Variants in JPH1 observed in about 807,000 individuals in gnomAD.
JPH1 encodes junctophilin 1.
JPH1 carries 12 observed loss-of-function variants against 53.6 expected under a neutral mutation model. The observed-to-expected ratio is 0.22, with a 90% CI of 0.14 to 0.36. The LOEUF (loss-of-function observed/expected upper bound fraction) is 0.36. JPH1 is among the 10% of genes least tolerant of loss of function. The pLI, the probability that JPH1 is intolerant of heterozygous loss-of-function variation, is 1.00. For synonymous variants in JPH1, 375 were observed against 363.8 expected (o/e 1.03, Z -0.35); for missense variants, 808 against 905.5 (o/e 0.89, Z 1.38).
rs374074210 is a variant in JPH1, at chr8:74,264,275, C to G, written c.1140-4772G>C. Among the ~76,000 whole-genome samples, 39 of 152,304 alleles carry G rather than the reference C, an allele frequency of 2.6e-4. No individual in the cohort carries two copies. The East Asian group carries it at 3.7e-3, about 14-fold the overall frequency. On this transcript the variant is annotated intron_variant, in intron 2 of 5. Transcript: ENST00000342232. The stretch of plus-strand genomic sequence containing the variant: ...ACTTATGTGAACCCATCTTCACCAT[C>G]TATTCATTACTGAATGTTAATTTTC...
chr8:74,259,510 G>T lies in JPH1; in HGVS notation c.1140-7C>A. 1 of 1,563,262 alleles carries T rather than the reference G, an allele frequency of 6.4e-7. No individual in the cohort carries two copies. Among genetic ancestry groups the T allele is most frequent in the East Asian group, 2.3e-5 (1 of 42,666 alleles). On this transcript the variant is annotated splice_polypyrimidine_tract_variant and splice_region_variant and intron_variant, in intron 2 of 5. Coordinates refer to ENST00000342232, the MANE Select transcript of JPH1 (RefSeq NM_020647.4). The stretch of plus-strand genomic sequence containing the variant: ...CGCTCTGGCATGTGCAGTCCTACAC[G>T]GGGCACAAAAGGACGAGTCAGCATA...
chr8:74,247,053 C>T (rs1805880684), intron 3 of JPH1, among the ~76,000 whole-genome samples: 1 of 152,082 alleles, frequency 6.6e-6, no homozygotes, highest in South Asian at 2.1e-4. Flanking sequence ...AGCATGAGCA[C>T]AAAAAAGTTA....
chr8:74,257,174 G>A (rs1050710359), intron 3 of JPH1, among the ~76,000 whole-genome samples: 1 of 152,150 alleles, frequency 6.6e-6, no homozygotes, highest in African/African-American at 2.4e-5. Context: ...CAGCCTCCCC[G>A]ACAAGCTCTG....
intron 2 of JPH1, among the ~76,000 whole-genome samples, chr8:74,278,072 G>C (rs969019639): frequency 2.0e-5 from 3 of 152,084 alleles, no homozygotes; most frequent in Non-Finnish European, 4.4e-5. Context: ...TATTGATATG[G>C]TTTGGCTGTG....
At chr8:74,242,919 T>C (rs1219729723) in intron 4 of JPH1, among the ~76,000 whole-genome samples, 1 of 152,242 alleles carries the variant, frequency 6.6e-6, no homozygotes, top group Non-Finnish European at 1.5e-5. Flanking sequence ...AACATACGTA[T>C]ACTACTGTTT....
chr8:74,310,209 T>C (rs1421852471), intron 2 of JPH1, among the ~76,000 whole-genome samples: 2 of 151,634 alleles, frequency 1.3e-5, no homozygotes, highest in African/African-American at 4.9e-5. Context: ...GCTACTAGCA[T>C]GGAGCAGTCT....
intron 3 of JPH1, among the ~76,000 whole-genome samples, chr8:74,255,467 T>C (rs1806192829): frequency 6.6e-6 from 1 of 152,064 alleles, no homozygotes; most frequent in East Asian, 1.9e-4. Context: ...GGCAATACCA[T>C]TCAGGACATA....
At chr8:74,273,686 T>C (rs757780390) in intron 2 of JPH1, among the ~76,000 whole-genome samples, 10 of 152,198 alleles carry the variant, frequency 6.6e-5, no homozygotes, top group Non-Finnish European at 8.8e-5. Flanking sequence ...GAAAACCTAA[T>C]TGGAATGGTA....
At chr8:74,241,915 G>A (rs1805704732) in intron 4 of JPH1, among the ~76,000 whole-genome samples, 1 of 152,126 alleles carries the variant, frequency 6.6e-6, no homozygotes, top group Admixed American at 6.5e-5. Context: ...TCTACTTGAT[G>A]GTAAGACGCT....
intron 2 of JPH1, among the ~76,000 whole-genome samples, chr8:74,292,655 A>AAAAC (rs1807368941): frequency 6.6e-6 from 1 of 151,908 alleles, no homozygotes; most frequent in South Asian, 2.1e-4. Flanking sequence ...CTGTTAAAAA[A>AAAAC]CAAACAAACA....
At chr8:74,267,658 A>G (rs927170939) in intron 2 of JPH1, among the ~76,000 whole-genome samples, 1 of 152,220 alleles carries the variant, frequency 6.6e-6, no homozygotes, top group Non-Finnish European at 1.5e-5. Context: ...GAAGAAGCCG[A>G]GGAAGCAGGT....
chr8:74,315,393 G>C lies in JPH1; in HGVS notation c.607C>G (p.Leu203Val). ...AGGCCGCCCTTCTTCTTGCCCGCTA[G>C]CTCAGCGTCTGCGTGGAAGTTGAGC... ...FVLNFHADAE[L>V]AGKKKGGLFR... is the part of the protein sequence containing the mutation. The change falls in exon 2 of 6, where the codon CTA becomes GTA. Residue 203 changes from leucine to valine, a missense_variant. By Grantham distance (32) the Leu-to-Val change is conservative (BLOSUM62 1). Coordinates refer to ENST00000342232, the MANE Select transcript of JPH1 (RefSeq NM_020647.4). The surrounding 1 kb of genome is among the most constrained non-coding windows in gnomAD (Gnocchi z 6.3). 1 of 1,612,542 alleles carries C rather than the reference G, an allele frequency of 6.2e-7. No individual in the cohort carries two copies. The highest frequency in any genetic ancestry group is 1.1e-5 in the South Asian group (1 of 91,050).
chr8:74,274,290 T>A (rs908498379), intron 2 of JPH1, among the ~76,000 whole-genome samples: 1 of 152,100 alleles, frequency 6.6e-6, no homozygotes, highest in Non-Finnish European at 1.5e-5. Context: ...AGAGACTGAA[T>A]TGAGAAACGT....
intron 1 of JPH1, among the ~76,000 whole-genome samples, chr8:74,317,267 G>C (rs983902071): frequency 6.6e-6 from 1 of 152,178 alleles, no homozygotes; most frequent in African/African-American, 2.4e-5. Context: ...ATGTGACACA[G>C]GCAATAGTAG....
At chr8:74,259,758 G>A (rs1287165982) in intron 2 of JPH1, among the ~76,000 whole-genome samples, 1 of 152,208 alleles carries the variant, frequency 6.6e-6, no homozygotes, top group East Asian at 1.9e-4. Flanking sequence ...GTAGCTTGAT[G>A]CTAAGTGTGG....
chr8:74,239,962 T>A (rs1805645366), intron 4 of JPH1, among the ~76,000 whole-genome samples: 1 of 152,160 alleles, frequency 6.6e-6, no homozygotes, highest in Non-Finnish European at 1.5e-5. Flanking sequence ...AACAATCCAA[T>A]TATACTCTTT....
At chr8:74,273,676 G>A (rs1806769100) in intron 2 of JPH1, among the ~76,000 whole-genome samples, 1 of 152,128 alleles carries the variant, frequency 6.6e-6, no homozygotes, top group South Asian at 2.1e-4. Flanking sequence ...CCTATGTCTG[G>A]AAAACCTAAT....
At chr8:74,260,714 G>A (rs1317672936) in intron 2 of JPH1, among the ~76,000 whole-genome samples, 3 of 152,128 alleles carry the variant, frequency 2.0e-5, no homozygotes, top group Admixed American at 6.5e-5. Flanking sequence ...CCAAAACACG[G>A]AGGCACCGGG....
intron 4 of JPH1, among the ~76,000 whole-genome samples, chr8:74,237,708 G>A (rs113126422): frequency 8.5e-5 from 13 of 152,306 alleles, no homozygotes; most frequent in Admixed American, 1.3e-4. Flanking sequence ...GTTAGAACAC[G>A]AGAGCAAAAT....
Sources: allele counts gnomAD v4.1 joint callset (sites outside exome capture counted in the v4.1 genomes callset), GRCh38; gene constraint gnomAD v4.1.1; non-coding constraint Gnocchi (gnomAD v3.1); transcripts MANE v1.5; gene names NCBI Gene and HGNC (gene_info 2026-07-23, HGNC 2026-07-21).